Variants in TMBIM1 observed in about 807,000 individuals in gnomAD.
TMBIM1 encodes transmembrane BAX inhibitor motif containing 1.
A neutral mutation model predicts 45.1 loss-of-function variants in TMBIM1; 34 were observed. The ratio of observed to expected loss-of-function variants is 0.75; its 90% confidence interval spans 0.57 to 1.00. TMBIM1 has a LOEUF of 1.00. Ranked by LOEUF, TMBIM1 falls within the 50% of genes least tolerant of loss-of-function variation. The probability of loss-of-function intolerance (pLI) is 0.00; values close to 1 mark genes in which losing one functional copy is unlikely to be tolerated. For missense variants in TMBIM1, 374 were observed against 402.4 expected (o/e 0.93, Z 0.60); for synonymous variants, 157 against 153.5 (o/e 1.02, Z -0.17).
rs1277287580 is a variant in TMBIM1, at chr2:218,274,577, C to G, written c.*898G>C. On this transcript the variant is annotated 3_prime_UTR_variant, in exon 12 of 12. Transcript: ENST00000258412. ...GGTGAGGGACCCCCAGGCATTCTCC[C>G]TGCCCGCACCGAGTCTCTCTTCACC... The G allele has an allele frequency of 6.4e-6, 1 of 155,238 alleles. No individual in the cohort carries two copies. Among genetic ancestry groups the G allele is most frequent in the South Asian group, 2.0e-4 (1 of 4,926 alleles). The allele number at this position is 155,238 out of a possible 1,614,324, so 9.6% of individuals were successfully genotyped here. A position where few individuals can be genotyped will look rare whatever the true frequency, so the allele number is the denominator to read the frequency against.
At chr2:218,277,579 C>T (rs1691355062) in intron 8 of TMBIM1, 54 bp downstream of exon 8, 2 of 1,612,678 alleles carry the variant, frequency 1.2e-6, no homozygotes. Context: ...CCAGGAACAC[C>T]CCACTCCCCA....
In TMBIM1 at chr2:218,276,009, G is replaced by T. The variant is rs377493085; in HGVS notation, c.789+17C>A. On this transcript the variant is annotated intron_variant, in intron 11 of 11. Transcript: ENST00000258412. Reference sequence around the variant, plus strand: ...CATCCCCTCAGCTCCCCTTCCTAGAGTGGGGCTGGGACTTACCAGGGTGAA... The same window carrying T: ...CATCCCCTCAGCTCCCCTTCCTAGATTGGGGCTGGGACTTACCAGGGTGAA... 86 of 1,608,764 alleles carry T rather than the reference G, an allele frequency of 5.3e-5. No individual in the cohort carries two copies. The highest frequency in any genetic ancestry group is 7.1e-5 in the Non-Finnish European group (84 of 1,177,742).
rs1559502007 is a variant in TMBIM1, at chr2:218,278,515, C to G, written c.473G>C (p.Arg158Thr). ...YLILACCQGP[R>T]RRFPWNIILL... The stretch of plus-strand genomic sequence containing the variant: ...ACTGTGTTAAGTCTCTGGGACTCAC[C>G]TGGGTCCCTGGCAGCAGGCAAGGAT... The change falls in exon 6 of 12, where the codon AGA becomes ACA. Residue 158 changes from arginine to threonine, a missense_variant and splice_region_variant. Coordinates refer to ENST00000258412, the MANE Select transcript of TMBIM1 (RefSeq NM_022152.6). 9 of 1,614,004 alleles carry G rather than the reference C, an allele frequency of 5.6e-6. No homozygotes were observed. The highest frequency in any genetic ancestry group is 7.6e-6 in the Non-Finnish European group (9 of 1,179,986).
chr2:218,279,266 G>T, intron 4 of TMBIM1, 23 bp downstream of exon 4: 1 of 1,566,436 alleles, frequency 6.4e-7, no homozygotes, highest in South Asian at 1.2e-5. Flanking sequence ...AGTAGGAGTG[G>T]GTGGCAAAGC....
intron 1 of TMBIM1, among the ~76,000 whole-genome samples, chr2:218,289,101 G>A (rs1056968042): frequency 9.2e-5 from 14 of 152,230 alleles, no homozygotes; most frequent in African/African-American, 3.1e-4. Context: ...TCTGTAGCAC[G>A]CACCTGCGTG....
Position 218,278,520 on chromosome 2 carries a change from T to A in TMBIM1, c.468A>T (p.Gly156=). ...GTTAAGTCTCTGGGACTCACCTGGG[T>A]CCCTGGCAGCAGGCAAGGATCAGGT... The part of the protein sequence containing the change: ...VTYLILACCQ[G]PRRRFPWNII... The change falls in exon 6 of 12, where the codon GGA becomes GGT. Residue 156 remains glycine (G), a synonymous_variant. Transcript: ENST00000258412. 2.5e-6 allele frequency: 4 copies of A among 1,614,082 alleles called. No individual in the cohort carries two copies. In the Middle Eastern group the frequency reaches 6.6e-4, roughly 266 times the overall value.
chr2:218,282,125 G>GC lies in TMBIM1; in HGVS notation c.16dup (p.Ala6GlyfsTer6). The GC allele has an allele frequency of 6.6e-7, 1 of 1,518,442 alleles. No individual in the cohort carries two copies. 94.1% of individuals were successfully genotyped at this position (1,518,442 alleles called of 1,614,324 possible). A position where few individuals can be genotyped will look rare whatever the true frequency, so the allele number is the denominator to read the frequency against. ...GTTGCGGTCTTCATATGGTGGTGGG[G>GC]CGCTGGGGTTGGACATGGCTGCTCA... is the stretch of plus-strand genomic sequence containing the variant. On this transcript the variant is annotated frameshift_variant, in exon 2 of 12. Transcript: ENST00000258412. LOFTEE classifies it high-confidence loss of function.
In TMBIM1 at chr2:218,279,050, TAGAC is replaced by T; in HGVS notation, c.406_409del (p.Val136ThrfsTer13). On this transcript the variant is annotated frameshift_variant, in exon 5 of 12. Coordinates refer to ENST00000258412, the MANE Select transcript of TMBIM1 (RefSeq NM_022152.6). LOFTEE classifies it high-confidence loss of function. ...AGCACACACTCACTAGGACACGTAG[TAGAC>T]AGCCACATTTCTCCTCACAAAGGCG... 1.9e-6 allele frequency: 3 copies of T among 1,614,104 alleles called. No homozygotes were observed. Among genetic ancestry groups the T allele is most frequent in the South Asian group, 2.2e-5 (2 of 91,084 alleles).
At chr2:218,276,919 C>A (rs1238839282) in intron 10 of TMBIM1, 85 bp downstream of exon 10, 1 of 1,150,892 alleles carries the variant, frequency 8.7e-7, no homozygotes, top group Admixed American at 1.9e-5. Flanking sequence ...GCCCCGGGGA[C>A]CTTTGGGGCC....
intron 5 of TMBIM1, among the ~76,000 whole-genome samples, chr2:218,278,767 G>A (rs1044941629): frequency 2.0e-5 from 3 of 152,338 alleles, no homozygotes; most frequent in Non-Finnish European, 4.4e-5. Context: ...AAGGAGGTCT[G>A]GGGAGGCTGC....
rs965629022 is a variant in TMBIM1 at position 218,282,314 on chromosome 2, C to T, written c.-40-133G>A. The T allele has an allele frequency of 1.1e-5, 6 of 549,908 alleles. No homozygotes were observed. The Admixed American group carries it at 1.3e-4, about 12-fold the overall frequency. The allele number at this position is 549,908 out of a possible 1,614,324, so 34.1% of individuals were successfully genotyped here. On this transcript the variant is annotated intron_variant, in intron 1 of 11. Transcript: ENST00000258412. ...CACCTATTTTCTCCTTAGAGGGCAGCGTGTGATTTGCTGTCCACAGGCCAC... is the reference window on the plus strand; with the variant it reads ...CACCTATTTTCTCCTTAGAGGGCAGTGTGTGATTTGCTGTCCACAGGCCAC...
rs760240761 is a variant in TMBIM1, at chr2:218,277,457, G to A, written c.552-4C>T. 1 of 1,614,038 alleles carries A rather than the reference G, an allele frequency of 6.2e-7. No homozygotes were observed. Among genetic ancestry groups the A allele is most frequent in the Admixed American group, 1.7e-5 (1 of 60,022 alleles). ...GACGGCTTTGGTTTGGTACATACTG[G>A]GGAGAAGCAGGAGTTACAGACAAGA... On this transcript the variant is annotated splice_region_variant and splice_polypyrimidine_tract_variant and intron_variant, in intron 8 of 11. Coordinates refer to ENST00000258412, the MANE Select transcript of TMBIM1 (RefSeq NM_022152.6).
intron 1 of TMBIM1, among the ~76,000 whole-genome samples, chr2:218,287,798 C>A (rs1692639248): frequency 1.3e-5 from 2 of 152,294 alleles, no homozygotes; most frequent in African/African-American, 4.8e-5. Context: ...TGGCCTCTCT[C>A]TGGACCCATG....
intron 3 of TMBIM1, 27 bp from the exon 4 acceptor site, chr2:218,279,380 C>A: frequency 6.5e-7 from 1 of 1,528,714 alleles, no homozygotes; most frequent in African/African-American, 1.4e-5. Context: ...GGGCATGGGT[C>A]ACCATCCGGC....
Position 218,275,141 on chromosome 2 carries a change from C to G in TMBIM1, c.*334G>C, listed in dbSNP as rs1474644445. 2.5e-5 allele frequency: 5 copies of G among 196,404 alleles called. No homozygotes were observed. Among genetic ancestry groups the G allele is most frequent in the Non-Finnish European group, 5.1e-5 (5 of 97,512 alleles). The allele number at this position is 196,404 out of a possible 1,614,324, so 12.2% of individuals were successfully genotyped here. ...TCACTTCTACCTTTCATATTCCCTT[C>G]TAGCTATCGAATAGGCTCTTTTCAT... On this transcript the variant is annotated 3_prime_UTR_variant, in exon 12 of 12. Coordinates refer to ENST00000258412, the MANE Select transcript of TMBIM1 (RefSeq NM_022152.6).
chr2:218,289,255 G>A (rs1290291393), intron 1 of TMBIM1, among the ~76,000 whole-genome samples: 1 of 6,804 alleles, frequency 1.5e-4, no homozygotes. Context: ...AGGAGGTGGG[G>A]ACCTGAAGTT....
intron 5 of TMBIM1, among the ~76,000 whole-genome samples, chr2:218,278,787 G>A (rs1691539189): frequency 6.6e-6 from 1 of 152,240 alleles, no homozygotes; most frequent in Admixed American, 6.5e-5. Context: ...CAGCTGACGG[G>A]CTGAGAGGAC....
At chr2:218,278,346 A>G (rs1691469916) in intron 6 of TMBIM1, 169 bp downstream of exon 6, 2 of 692,570 alleles carry the variant, frequency 2.9e-6, no homozygotes, top group East Asian at 5.4e-5. Flanking sequence ...GCTCCTAAAC[A>G]CACATGGTCC....
In TMBIM1 at chr2:218,279,021, G is replaced by C. The variant is rs777805791; in HGVS notation, c.422+17C>G. 4.3e-5 allele frequency: 70 copies of C among 1,613,826 alleles called. No homozygotes were observed. Among genetic ancestry groups the C allele is most frequent in the Non-Finnish European group, 5.7e-5 (67 of 1,179,900 alleles). On this transcript the variant is annotated intron_variant, in intron 5 of 11. Transcript: ENST00000258412. ...ACCCCTGCCTCCCTGCCCAACCACA[G>C]AGGAGCACACACTCACTAGGACACG...
Sources: allele counts gnomAD v4.1 joint callset (sites outside exome capture counted in the v4.1 genomes callset), GRCh38; gene constraint gnomAD v4.1.1; transcripts MANE v1.5; gene names NCBI Gene and HGNC (gene_info 2026-07-23, HGNC 2026-07-21).